FARS2: variants seen among roughly 807,000 people sequenced by gnomAD.
FARS2 encodes the protein phenylalanyl-tRNA synthetase 2, mitochondrial, also known as phenylalanine--tRNA ligase, mitochondrial.
Under a neutral mutation model 46.4 loss-of-function variants are expected in FARS2, and 40 were observed. That is an observed-to-expected ratio of 0.86 (90% CI 0.67 to 1.12). The LOEUF is 1.12. Among genes scored for constraint, FARS2 ranks in the 50% most tolerant of loss-of-function variants. The probability of loss-of-function intolerance (pLI) is 0.00; values close to 1 mark genes in which losing one functional copy is unlikely to be tolerated. For synonymous variants in FARS2, 234 were observed against 214.9 expected, an observed-to-expected ratio of 1.09 and a Z score of -0.78; for missense variants, 513 against 567.9, an observed-to-expected ratio of 0.90 and a Z score of 0.98.
chr6:5,257,295 T>C (rs954478783), upstream of FARS2, among the ~76,000 whole-genome samples: 1 of 152,126 alleles, frequency 6.6e-6, no homozygotes, highest in South Asian at 2.1e-4. Context: ...AGTGCTGTGC[T>C]GTTTGCCTGC....
intron 1 of FARS2, among the ~76,000 whole-genome samples, chr6:5,349,514 C>A (rs1247012079): frequency 6.6e-6 from 1 of 152,130 alleles, no homozygotes; most frequent in East Asian, 1.9e-4. Flanking sequence ...AACTTTCAAC[C>A]CTTGAGTACT....
intron 6 of FARS2, among the ~76,000 whole-genome samples, chr6:5,640,339 T>C (rs60145717): frequency 0.031 from 4,760 of 152,248 alleles, 193 homozygotes; most frequent in African/African-American, 0.086. Context: ...TAAGCAGTCA[T>C]GGCAGGATTA....
intron 5 of FARS2, among the ~76,000 whole-genome samples, chr6:5,611,980 C>T (rs1054721131): frequency 2.0e-5 from 3 of 152,214 alleles, no homozygotes; most frequent in Non-Finnish European, 4.4e-5. Context: ...TGTGTAACCA[C>T]CAAACTCCTG....
chr6:5,355,559 A>G (rs940702861), intron 1 of FARS2, among the ~76,000 whole-genome samples: 2 of 151,872 alleles, frequency 1.3e-5, no homozygotes, highest in African/African-American at 4.8e-5. Context: ...GGGTTTCACC[A>G]TGCTGGCCAG....
rs1222321655 is a variant in FARS2 at position 5,610,071 on chromosome 6, C to T, written c.1066-3098C>T. On this transcript the variant is annotated intron_variant, in intron 5 of 6. Transcript: ENST00000274680. The stretch of plus-strand genomic sequence containing the variant: ...GGTGTTTGGGTCTCTCATTACCACA[C>T]AGTCCAGGAGCATTCCCCATTGCTC... The T allele has an allele frequency of 3.3e-6, 3 of 917,168 alleles. No individual in the cohort carries two copies. The Admixed American group carries it at 5.1e-5, about 16-fold the overall frequency. The allele number at this position is 917,168 out of a possible 1,614,324, so 56.8% of individuals were successfully genotyped here.
chr6:5,424,181 C>T (rs939286474), intron 3 of FARS2, among the ~76,000 whole-genome samples: 1 of 152,212 alleles, frequency 6.6e-6, no homozygotes, highest in South Asian at 2.1e-4. Context: ...CTGGGACCTA[C>T]ACTCTCATTG....
intron 1 of FARS2, among the ~76,000 whole-genome samples, chr6:5,355,417 C>T (rs112734242): frequency 0.059 from 8,573 of 145,282 alleles, 305 homozygotes; most frequent in Middle Eastern, 0.14. Flanking sequence ...GTCACCCAGG[C>T]GTGATCTCAA....
At chr6:5,529,975 A>G (rs1769721081) in intron 4 of FARS2, among the ~76,000 whole-genome samples, 1 of 152,254 alleles carries the variant, frequency 6.6e-6, no homozygotes, top group Non-Finnish European at 1.5e-5. Context: ...GGCAGGCCAC[A>G]TATGCATGAG....
intron 1 of FARS2, chr6:5,272,413 A>T (rs1184456397): frequency 6.6e-6 from 1 of 152,186 alleles, no homozygotes; most frequent in African/African-American, 2.4e-5. Context: ...TGCGGAAATG[A>T]TATCACGAAC....
At chr6:5,456,348 C>T (rs986404944) in intron 4 of FARS2, among the ~76,000 whole-genome samples, 7 of 152,202 alleles carry the variant, frequency 4.6e-5, no homozygotes, top group Non-Finnish European at 4.4e-5. Context: ...CTTGCATTCA[C>T]GCAGCATTTG....
At chr6:5,483,669 AAAAT>A (rs142275390) in intron 4 of FARS2, among the ~76,000 whole-genome samples, 3 of 151,842 alleles carry the variant, frequency 2.0e-5, no homozygotes, top group Admixed American at 6.6e-5. Context: ...TCTGTCTCAA[AAAAT>A]AAATAAATAA....
intron 6 of FARS2, among the ~76,000 whole-genome samples, chr6:5,725,087 T>C (rs1760161862): frequency 6.6e-6 from 1 of 152,276 alleles, no homozygotes; most frequent in Non-Finnish European, 1.5e-5. Context: ...GAAGGTATTT[T>C]GCAATGGCCT....
At chr6:5,753,102 T>A (rs2150967070) in intron 6 of FARS2, among the ~76,000 whole-genome samples, 1 of 152,298 alleles carries the variant, frequency 6.6e-6, no homozygotes, top group East Asian at 1.9e-4. Context: ...ACTCTTGTTT[T>A]AGGCACCTAA....
intron 4 of FARS2, among the ~76,000 whole-genome samples, chr6:5,502,838 C>G (rs1280535366): frequency 1.3e-5 from 2 of 152,126 alleles, no homozygotes; most frequent in Non-Finnish European, 2.9e-5. Flanking sequence ...GTGATCCTGC[C>G]AATTTTATAT....
At position 5,396,477 on chromosome 6, in the gene FARS2, G is replaced by A. The variant is rs569079660; in HGVS notation, c.613-8065G>A. ...GATTAAGAACAAGGTATAAAAGTAT[G>A]AGGATTTTTCACCCCCTGGGAGATT... On this transcript the variant is annotated intron_variant, in intron 2 of 6. Transcript: ENST00000274680. 6.6e-5 allele frequency among the ~76,000 whole-genome samples: 10 copies of A among 152,316 alleles called. No homozygotes were observed. In the East Asian group the frequency reaches 1.9e-3, roughly 29 times the overall value.
At chr6:5,614,750 T>G (rs1213601001) in intron 6 of FARS2, among the ~76,000 whole-genome samples, 1 of 152,238 alleles carries the variant, frequency 6.6e-6, no homozygotes, top group Admixed American at 6.5e-5. Context: ...TGTTCAGTGT[T>G]CACTGCCAAT....
chr6:5,614,690 C>T (rs555379795), intron 6 of FARS2, among the ~76,000 whole-genome samples: 9 of 152,192 alleles, frequency 5.9e-5, no homozygotes, highest in Admixed American at 2.0e-4. Flanking sequence ...TGAGCCATCG[C>T]GCTGGGCTGC....
chr6:5,347,432 T>G (rs1016699197), intron 1 of FARS2, among the ~76,000 whole-genome samples: 2 of 151,970 alleles, frequency 1.3e-5, no homozygotes, highest in Non-Finnish European at 2.9e-5. Flanking sequence ...ATATTCTTTG[T>G]GTCTGGTTTC....
chr6:5,745,867 A>G (rs1004463408), intron 6 of FARS2, among the ~76,000 whole-genome samples: 1 of 152,042 alleles, frequency 6.6e-6, no homozygotes, highest in Non-Finnish European at 1.5e-5. Context: ...AGCCACCTTT[A>G]TATCAGGGGG....
Sources: allele counts gnomAD v4.1 joint callset (sites outside exome capture counted in the v4.1 genomes callset), GRCh38; gene constraint gnomAD v4.1.1; transcripts MANE v1.5; gene names NCBI Gene and HGNC (gene_info 2026-07-23, HGNC 2026-07-21).